FAT3: variants seen among roughly 807,000 people sequenced by gnomAD.
FAT3 encodes FAT atypical cadherin 3, also known as protocadherin Fat 3.
FAT3 carries 95 observed loss-of-function variants against 310.2 expected under a neutral mutation model. That is an observed-to-expected ratio of 0.31 (90% CI 0.26 to 0.36). The LOEUF (loss-of-function observed/expected upper bound fraction) is 0.36. Among genes scored for constraint, FAT3 ranks in the 10% least tolerant of loss-of-function variants. FAT3 has a pLI of 1.00. For synonymous variants in FAT3, 2,314 were observed against 2,192.9 expected, an observed-to-expected ratio of 1.06 and a Z score of -1.54; for missense variants, 5,408 against 5,715.6, an observed-to-expected ratio of 0.95 and a Z score of 1.74.
intron 4 of FAT3, among the ~76,000 whole-genome samples, chr11:92,740,542 A>C (rs1391354545): frequency 6.6e-6 from 1 of 152,226 alleles, no homozygotes; most frequent in Non-Finnish European, 1.5e-5. Context: ...GAACTTAAGC[A>C]GATGAATGTT....
intron 3 of FAT3, among the ~76,000 whole-genome samples, chr11:92,526,960 TC>T (rs1953888243): frequency 6.6e-6 from 1 of 152,168 alleles, no homozygotes; most frequent in South Asian, 2.1e-4. Flanking sequence ...TCAAGTAAGA[TC>T]TAATAAAGAG....
chr11:92,689,268 A>G lies in FAT3; in HGVS notation c.3608-8116A>G, dbSNP rs1308839470. Among the ~76,000 whole-genome samples the G allele has an allele frequency of 2.0e-5, 3 of 152,146 alleles. No individual in the cohort carries two copies. The East Asian group carries it at 5.8e-4, about 29-fold the overall frequency. ...TAGATAATCTCTAGGATTCATCTAT[A>G]TAGTGGAATTTAGATTGCCAGTCAC... On this transcript the variant is annotated intron_variant, in intron 3 of 27. Coordinates refer to ENST00000525166, the MANE Select transcript of FAT3 (RefSeq NM_001367949.2).
chr11:92,801,101 C>T lies in FAT3; in HGVS notation c.8088C>T (p.Ile2696=). Reference sequence around the variant, plus strand: ...AGCACTCCCTCATTCCTGTCTATATCCACGTCTTGCCCCCTGAAACGTTCT... The same window carrying T: ...AGCACTCCCTCATTCCTGTCTATATTCACGTCTTGCCCCCTGAAACGTTCT... ...PVKHSLIPVY[I]HVLPPETFLP... is the part of the protein sequence containing the mutation. Residue 2696 remains isoleucine, a synonymous_variant, in exon 10 of 28, where the codon ATC becomes ATT. Coordinates refer to ENST00000525166, the MANE Select transcript of FAT3 (RefSeq NM_001367949.2). The T allele has an allele frequency of 6.2e-7, 1 of 1,613,934 alleles. No individual in the cohort carries two copies. Among genetic ancestry groups the T allele is most frequent in the South Asian group, 1.1e-5 (1 of 91,080 alleles).
chr11:92,541,017 A>G (rs951554311), intron 3 of FAT3, among the ~76,000 whole-genome samples: 1 of 152,182 alleles, frequency 6.6e-6, no homozygotes, highest in African/African-American at 2.4e-5. Flanking sequence ...TAGCATAAGA[A>G]ATATATTGGC....
chr11:92,682,153 C>T (rs535863141), intron 3 of FAT3, among the ~76,000 whole-genome samples: 19 of 152,280 alleles, frequency 1.2e-4, no homozygotes, highest in South Asian at 4.1e-4. Context: ...GCAAGTTACA[C>T]GGTCTTGCTA....
chr11:92,475,689 A>C (rs1399392915), intron 2 of FAT3, among the ~76,000 whole-genome samples: 1 of 152,244 alleles, frequency 6.6e-6, no homozygotes, highest in Non-Finnish European at 1.5e-5. Context: ...ACCAAACAAA[A>C]AATTTCAGCT....
chr11:92,309,286 C>T (rs978519948), intron 1 of FAT3, among the ~76,000 whole-genome samples: 8 of 149,950 alleles, frequency 5.3e-5, no homozygotes, highest in Non-Finnish European at 1.5e-5. Context: ...CTAGAGCTCT[C>T]CCCCCAGCCC....
Position 92,411,100 on chromosome 11 carries a change from T to A in FAT3, c.3292+55696T>A, listed in dbSNP as rs963374818. Among the ~76,000 whole-genome samples the A allele has an allele frequency of 8.1e-5, 5 of 61,460 alleles. No homozygotes were observed. In the Admixed American group the frequency reaches 1.3e-3, roughly 16 times the overall value. The allele number at this position is 61,460 out of a possible 152,430, so 40.3% of individuals were successfully genotyped here. On this transcript the variant is annotated intron_variant, in intron 2 of 27. Coordinates refer to ENST00000525166, the MANE Select transcript of FAT3 (RefSeq NM_001367949.2). ...ATGAGAACTATATAGATTATATATA[T>A]TATATATAAAAATATATATATTTAT...
chr11:92,419,403 C>G (rs1310581848), intron 2 of FAT3, among the ~76,000 whole-genome samples: 2 of 152,072 alleles, frequency 1.3e-5, no homozygotes, highest in Non-Finnish European at 2.9e-5. Context: ...TGAGAGGGAT[C>G]TAATTAACTT....
chr11:92,471,633 G>A (rs1184646852), intron 2 of FAT3, among the ~76,000 whole-genome samples: 1 of 152,032 alleles, frequency 6.6e-6, no homozygotes, highest in African/African-American at 2.4e-5. Flanking sequence ...GGACAACTTA[G>A]CCATATGCAA....
chr11:92,417,665 T>C (rs1368462442), intron 2 of FAT3, among the ~76,000 whole-genome samples: 1 of 152,192 alleles, frequency 6.6e-6, no homozygotes, highest in Non-Finnish European at 1.5e-5. Flanking sequence ...GAAAATATAC[T>C]GGGCAGAGCC....
At chr11:92,535,051 G>A (rs935017983) in intron 3 of FAT3, among the ~76,000 whole-genome samples, 1 of 152,090 alleles carries the variant, frequency 6.6e-6, no homozygotes, top group Non-Finnish European at 1.5e-5. Flanking sequence ...GTATAAGGCA[G>A]GACACCTGTC....
At chr11:92,751,959 A>C (rs934713127) in intron 4 of FAT3, among the ~76,000 whole-genome samples, 5 of 152,056 alleles carry the variant, frequency 3.3e-5, no homozygotes, top group African/African-American at 1.2e-4. Flanking sequence ...CCTGTGAAAA[A>C]GTGACAATCG....
intron 1 of FAT3, among the ~76,000 whole-genome samples, chr11:92,321,280 C>CA (rs914781743): frequency 6.6e-5 from 10 of 151,440 alleles, no homozygotes; most frequent in East Asian, 3.9e-4. Flanking sequence ...ACTAAAAATA[C>CA]AAAAAAAATA....
At chr11:92,874,067 CAT>C (rs1283799342) in intron 22 of FAT3, among the ~76,000 whole-genome samples, 2 of 152,184 alleles carry the variant, frequency 1.3e-5, no homozygotes, top group African/African-American at 4.8e-5. Flanking sequence ...GAATTTTTCA[CAT>C]CACATAAGCT....
At chr11:92,884,551 C>T (rs766071417) in intron 24 of FAT3, among the ~76,000 whole-genome samples, 17 of 152,082 alleles carry the variant, frequency 1.1e-4, no homozygotes, top group Non-Finnish European at 2.4e-4. Context: ...GTGGCATATG[C>T]TGAGGGAGAA....
At chr11:92,572,998 TA>T (rs908406131) in intron 3 of FAT3, among the ~76,000 whole-genome samples, 2 of 152,182 alleles carry the variant, frequency 1.3e-5, no homozygotes, top group African/African-American at 4.8e-5. Flanking sequence ...TGATTAATTG[TA>T]CAAAATTGAA....
chr11:92,367,537 G>A (rs1949059290), intron 2 of FAT3, among the ~76,000 whole-genome samples: 1 of 152,150 alleles, frequency 6.6e-6, no homozygotes, highest in African/African-American at 2.4e-5. Flanking sequence ...GGGCTAACAT[G>A]GGAAGTTCAC....
chr11:92,234,079 A>G (rs1286470492), intron 1 of FAT3, among the ~76,000 whole-genome samples: 14 of 152,238 alleles, frequency 9.2e-5, no homozygotes. Flanking sequence ...TTTATACAAT[A>G]GATATGTTTT....
Sources: gnomAD v4.1 joint callset for allele counts (sites outside exome capture counted in the v4.1 genomes callset) on GRCh38, gnomAD v4.1.1 for gene constraint, MANE v1.5 for transcripts, NCBI Gene and HGNC (gene_info 2026-07-23, HGNC 2026-07-21) for gene names.